STK39: variants seen among roughly 807,000 people sequenced by gnomAD.
STK39 encodes serine/threonine kinase 39, also known as STE20/SPS1-related proline-alanine-rich protein kinase.
Under a neutral mutation model 77.8 loss-of-function variants are expected in STK39, and 20 were observed. That is an observed-to-expected ratio of 0.26 (90% CI 0.18 to 0.37). STK39 has a LOEUF of 0.37. Among genes scored for constraint, STK39 ranks in the 10% least tolerant of loss-of-function variants. STK39 has a pLI of 1.00. For synonymous variants in STK39, 246 were observed against 234.1 expected (o/e 1.05, Z -0.47); for missense variants, 479 against 656.5 (o/e 0.73, Z 2.95).
intron 5 of STK39, among the ~76,000 whole-genome samples, chr2:168,153,680 G>GT (rs769772785): frequency 6.6e-6 from 1 of 152,018 alleles, no homozygotes; most frequent in African/African-American, 2.4e-5. Flanking sequence ...TCTCACTGAT[G>GT]TGACACTTGA....
intron 1 of STK39, among the ~76,000 whole-genome samples, chr2:168,185,563 C>G (rs552929006): frequency 3.9e-5 from 6 of 152,124 alleles, no homozygotes; most frequent in Non-Finnish European, 7.4e-5. Flanking sequence ...ACACTGCATA[C>G]CTGCATTTTA....
chr2:168,172,832 C>A (rs1688862206), intron 2 of STK39, among the ~76,000 whole-genome samples: 1 of 152,190 alleles, frequency 6.6e-6, no homozygotes, highest in African/African-American at 2.4e-5. Context: ...CTTACTCAAG[C>A]TCCAAAATTG....
chr2:168,241,228 G>A (rs1268859208), intron 1 of STK39, among the ~76,000 whole-genome samples: 1 of 152,150 alleles, frequency 6.6e-6, no homozygotes, highest in African/African-American at 2.4e-5. Flanking sequence ...AGACAGGGAA[G>A]CAATGGTGAT....
chr2:168,191,745 G>A (rs1689345515), intron 1 of STK39, among the ~76,000 whole-genome samples: 1 of 152,146 alleles, frequency 6.6e-6, no homozygotes, highest in African/African-American at 2.4e-5. Context: ...TAATCAGTCA[G>A]GGGCTATTAG....
intron 1 of STK39, among the ~76,000 whole-genome samples, chr2:168,231,666 C>T (rs1344874865): frequency 3.9e-5 from 6 of 151,962 alleles, no homozygotes; most frequent in African/African-American, 1.5e-4. Context: ...CTTTGCTTCT[C>T]GAATTCAAGA....
chr2:168,246,029 A>T (rs1690889937), intron 1 of STK39, among the ~76,000 whole-genome samples: 1 of 152,170 alleles, frequency 6.6e-6, no homozygotes, highest in South Asian at 2.1e-4. Context: ...GCTCATTTAA[A>T]CACCTAGTGA....
At chr2:168,065,521 A>C (rs1685769945) in intron 12 of STK39, 140 bp from the exon 13 acceptor site, 1 of 856,418 alleles carries the variant, frequency 1.2e-6, no homozygotes, top group Non-Finnish European at 1.9e-6. Context: ...TGGCTCTTTG[A>C]CTACCTGTGT....
intron 8 of STK39, among the ~76,000 whole-genome samples, chr2:168,137,650 A>C (rs1687873525): frequency 6.6e-6 from 1 of 152,246 alleles, no homozygotes; most frequent in Non-Finnish European, 1.5e-5. Flanking sequence ...TTGTTCTGCA[A>C]CTAACAGGAA....
intron 1 of STK39, among the ~76,000 whole-genome samples, chr2:168,212,311 C>T (rs1421257156): frequency 6.6e-6 from 1 of 152,186 alleles, no homozygotes; most frequent in Non-Finnish European, 1.5e-5. Context: ...AGAATGTTTC[C>T]TCCCCATCTC....
Position 168,075,090 on chromosome 2 carries a change from C to G in STK39, c.1212+19G>C, listed in dbSNP as rs769143018. On this transcript the variant is annotated intron_variant, in intron 11 of 17. Transcript: ENST00000355999. Reference sequence around the variant, plus strand: ...ATAAAATTTACACAGATTAGCTCATCGTCAACGATGTCATTTACCTTTTCC... The same window carrying G: ...ATAAAATTTACACAGATTAGCTCATGGTCAACGATGTCATTTACCTTTTCC... 16 of 1,614,166 alleles carry G rather than the reference C, an allele frequency of 9.9e-6. No individual in the cohort carries two copies. Among genetic ancestry groups the G allele is most frequent in the Non-Finnish European group, 1.1e-5 (13 of 1,180,038 alleles).
intron 3 of STK39, among the ~76,000 whole-genome samples, chr2:168,166,882 G>T (rs1455613049): frequency 1.3e-5 from 2 of 152,112 alleles, no homozygotes; most frequent in African/African-American, 4.8e-5. Flanking sequence ...AGGACTCAAG[G>T]AGAAAGGACT....
intron 17 of STK39, among the ~76,000 whole-genome samples, chr2:167,960,031 T>C (rs1004784781): frequency 6.6e-6 from 1 of 152,160 alleles, no homozygotes; most frequent in African/African-American, 2.4e-5. Context: ...CCCCAAAATA[T>C]GCCACTCTTC....
intron 14 of STK39, among the ~76,000 whole-genome samples, chr2:168,042,693 C>T (rs137905081): frequency 0.02 from 3,032 of 151,872 alleles, 107 homozygotes; most frequent in African/African-American, 0.069. Flanking sequence ...CAGTTCTCTG[C>T]CTCAGCCTCC....
chr2:167,977,822 T>C (rs770293818), intron 16 of STK39, among the ~76,000 whole-genome samples: 8 of 149,162 alleles, frequency 5.4e-5, no homozygotes, highest in Admixed American at 1.3e-4. Context: ...ACCAGGGGAA[T>C]TGCAATGGAG....
At chr2:168,065,451 A>C in intron 12 of STK39, 70 bp from the exon 13 acceptor site, 1 of 1,480,902 alleles carries the variant, frequency 6.8e-7, no homozygotes, top group Non-Finnish European at 9.4e-7. Context: ...GGTTACATTA[A>C]GTCCCAATTA....
At chr2:168,159,841 A>G (rs1482423548) in intron 5 of STK39, among the ~76,000 whole-genome samples, 3 of 152,182 alleles carry the variant, frequency 2.0e-5, no homozygotes, top group Non-Finnish European at 2.9e-5. Flanking sequence ...CAGGCATAGA[A>G]AAGGCACAGC....
chr2:167,996,906 G>T (rs981084058), intron 16 of STK39, among the ~76,000 whole-genome samples: 39 of 151,908 alleles, frequency 2.6e-4, no homozygotes, highest in African/African-American at 9.4e-4. Flanking sequence ...TCTCCTCTTA[G>T]GTCTAGACTT....
intron 1 of STK39, among the ~76,000 whole-genome samples, chr2:168,213,947 G>A (rs1452867995): frequency 1.3e-5 from 2 of 152,058 alleles, no homozygotes; most frequent in Non-Finnish European, 2.9e-5. Flanking sequence ...TGGTATATAC[G>A]AATAGTAGAA....
chr2:168,034,342 G>C (rs1405678944), intron 14 of STK39, among the ~76,000 whole-genome samples: 1 of 152,184 alleles, frequency 6.6e-6, no homozygotes, highest in Non-Finnish European at 1.5e-5. Flanking sequence ...GCTAATAATT[G>C]TTGCCCTTAT....
Sources: gnomAD v4.1 joint callset for allele counts (sites outside exome capture counted in the v4.1 genomes callset) on GRCh38, gnomAD v4.1.1 for gene constraint, MANE v1.5 for transcripts, NCBI Gene and HGNC (gene_info 2026-07-23, HGNC 2026-07-21) for gene names.